Variants in PACRG observed in about 807,000 individuals in gnomAD.
The protein encoded by PACRG is parkin coregulated.
Under a neutral mutation model 29.7 loss-of-function variants are expected in PACRG, and 29 were observed. That is an observed-to-expected ratio of 0.98 (90% confidence interval 0.73 to 1.33). The LOEUF (loss-of-function observed/expected upper bound fraction) is 1.33. PACRG is among the 40% of genes most tolerant of loss of function. The pLI is 0.00. For missense variants in PACRG, 279 were observed against 316.2 expected (o/e 0.88, Z 0.89); for synonymous variants, 116 against 118.7 (o/e 0.98, Z 0.15).
Position 163,014,856 on chromosome 6 carries a change from G to A in PACRG, c.292-47294G>A, listed in dbSNP as rs117480868. 6.0e-4 allele frequency among the ~76,000 whole-genome samples: 91 copies of A among 152,164 alleles called. 3 individuals carry two copies. In the East Asian group the frequency reaches 0.017, roughly 29 times the overall value. ...GTGCAGAAGCTCCTTAGTTTAATTA[G>A]ATCCATTTGTCAGTTTTTGTTTTTG... On this transcript the variant is annotated intron_variant, in intron 2 of 4. Transcript: ENST00000366888.
chr6:162,841,901 C>T (rs1482831734), intron 2 of PACRG, among the ~76,000 whole-genome samples: 10 of 151,246 alleles, frequency 6.6e-5, no homozygotes, highest in South Asian at 4.2e-4. Flanking sequence ...TGTAGTTGAG[C>T]GGTTTTGAGT....
intron 1 of PACRG, among the ~76,000 whole-genome samples, chr6:162,780,638 T>C (rs1036762386): frequency 1.3e-5 from 2 of 152,150 alleles, no homozygotes; most frequent in Admixed American, 1.3e-4. Flanking sequence ...AAATAGTTCT[T>C]ATGACTATAC....
At chr6:163,125,306 G>T (rs1015545473) in intron 4 of PACRG, among the ~76,000 whole-genome samples, 1 of 152,120 alleles carries the variant, frequency 6.6e-6, no homozygotes, top group Non-Finnish European at 1.5e-5. Flanking sequence ...AGTACTAGAA[G>T]AAAATATAAT....
intron 2 of PACRG, among the ~76,000 whole-genome samples, chr6:162,890,539 C>T (rs1298555459): frequency 6.6e-6 from 1 of 152,226 alleles, no homozygotes; most frequent in Non-Finnish European, 1.5e-5. Context: ...CCTCACTGCT[C>T]TAGAGCCAGC....
chr6:162,874,504 G>A (rs1793122134), intron 2 of PACRG, among the ~76,000 whole-genome samples: 1 of 152,148 alleles, frequency 6.6e-6, no homozygotes, highest in Non-Finnish European at 1.5e-5. Flanking sequence ...CACCAGACTG[G>A]GAAATGCCTA....
chr6:162,785,242 A>G (rs1242541838), intron 1 of PACRG, among the ~76,000 whole-genome samples: 8 of 151,982 alleles, frequency 5.3e-5, no homozygotes. Flanking sequence ...GAAGCAATGA[A>G]ACAAACCAAT....
At chr6:162,969,222 T>C (rs1032328301) in intron 2 of PACRG, among the ~76,000 whole-genome samples, 1 of 152,116 alleles carries the variant, frequency 6.6e-6, no homozygotes, top group African/African-American at 2.4e-5. Flanking sequence ...TGCTGACTGC[T>C]GTATATTACT....
At chr6:162,901,261 A>G (rs1795541335) in intron 2 of PACRG, among the ~76,000 whole-genome samples, 1 of 152,216 alleles carries the variant, frequency 6.6e-6, no homozygotes, top group Non-Finnish European at 1.5e-5. Context: ...AGAACTTCCT[A>G]CCAGGTAGAG....
chr6:163,184,235 T>C (rs1460610790), intron 4 of PACRG, among the ~76,000 whole-genome samples: 3 of 152,232 alleles, frequency 2.0e-5, no homozygotes, highest in African/African-American at 7.2e-5. Context: ...GCAGGATGCA[T>C]AGATAATAGA....
At chr6:162,752,110 G>C (rs994808468) in intron 1 of PACRG, among the ~76,000 whole-genome samples, 1 of 152,122 alleles carries the variant, frequency 6.6e-6, no homozygotes, top group Non-Finnish European at 1.5e-5. Flanking sequence ...AAGAAGACAC[G>C]AAACAAGTTC....
intron 1 of PACRG, among the ~76,000 whole-genome samples, chr6:162,802,556 A>G (rs1190996616): frequency 2.0e-5 from 3 of 152,090 alleles, no homozygotes; most frequent in Non-Finnish European, 4.4e-5. Context: ...ATTTCCAGTT[A>G]CCATTGGTTT....
At chr6:162,969,597 TC>T (rs1801357656) in intron 2 of PACRG, among the ~76,000 whole-genome samples, 1 of 152,122 alleles carries the variant, frequency 6.6e-6, no homozygotes, top group Non-Finnish European at 1.5e-5. Context: ...TAATCTCTCT[TC>T]CTGGCCCCTG....
chr6:162,947,367 C>CATATATATAATCATATATAATCATATATA (rs60158969), intron 2 of PACRG, among the ~76,000 whole-genome samples: 2 of 41,860 alleles, frequency 4.8e-5, no homozygotes, highest in African/African-American at 7.5e-5. Flanking sequence ...ATAATGTAAT[C>CATATATATAATCATATATAATCATATATA]ATATATAATC....
rs146848327 is a variant in PACRG, at chr6:162,866,686, A to G, written c.291+52405A>G. 9.2e-5 allele frequency among the ~76,000 whole-genome samples: 14 copies of G among 152,310 alleles called. No homozygotes were observed. The East Asian group carries it at 1.9e-3, about 21-fold the overall frequency. ...GTTTCAACTAGTTACTGACTTTCCT[A>G]CTTCCAAAACAGTTTGAGGGAACTT... On this transcript the variant is annotated intron_variant, in intron 2 of 4. Coordinates refer to ENST00000366888, the MANE Select transcript of PACRG (RefSeq NM_001080379.2).
In PACRG at chr6:163,055,772, T is replaced by C. The variant is rs1338357286; in HGVS notation, c.292-6378T>C. Among the ~76,000 whole-genome samples the C allele has an allele frequency of 6.6e-6, 1 of 152,188 alleles. No individual in the cohort carries two copies. Among genetic ancestry groups the C allele is most frequent in the Non-Finnish European group, 1.5e-5 (1 of 68,026 alleles). ...TAAGTACTCTCATACAGTGTGACCA[T>C]GACCACCATCTAGTTCCAGAACTTT... is the stretch of plus-strand genomic sequence containing the variant. On this transcript the variant is annotated intron_variant, in intron 2 of 4. Transcript: ENST00000366888. The surrounding 1 kb of genome is among the most constrained non-coding windows in gnomAD (Gnocchi z 4.0).
chr6:162,897,851 T>C (rs1269088345), intron 2 of PACRG, among the ~76,000 whole-genome samples: 2 of 152,176 alleles, frequency 1.3e-5, no homozygotes, highest in Non-Finnish European at 2.9e-5. Context: ...CATTCTGGGA[T>C]GCGTCGTCAA....
intron 2 of PACRG, among the ~76,000 whole-genome samples, chr6:162,937,957 G>T (rs968556899): frequency 1.3e-5 from 2 of 151,924 alleles, no homozygotes; most frequent in African/African-American, 4.8e-5. Flanking sequence ...ACAAGAGTAA[G>T]TTCTTTAGTG....
intron 2 of PACRG, chr6:162,892,036 C>T (rs928502477): frequency 3.3e-5 from 5 of 152,458 alleles, no homozygotes; most frequent in African/African-American, 1.2e-4. Flanking sequence ...GGGCAAGGCC[C>T]CCCCTGCTCC....
intron 2 of PACRG, among the ~76,000 whole-genome samples, chr6:163,038,405 C>T (rs560922766): frequency 1.3e-5 from 2 of 152,222 alleles, no homozygotes; most frequent in African/African-American, 2.4e-5. Flanking sequence ...TTCTGGAAAA[C>T]GGAGTACAAC....
Sources: allele counts gnomAD v4.1 joint callset (sites outside exome capture counted in the v4.1 genomes callset), GRCh38; gene constraint gnomAD v4.1.1; non-coding constraint Gnocchi (gnomAD v3.1); transcripts MANE v1.5; gene names NCBI Gene and HGNC (gene_info 2026-07-23, HGNC 2026-07-21).